The following CAST variants were observed in gnomAD, a reference collection of about 807,000 sequenced individuals.
The protein encoded by CAST is MIR583 host.
A neutral mutation model predicts 119.6 loss-of-function variants in CAST; 76 were observed. The ratio of observed to expected loss-of-function variants is 0.64; its 90% confidence interval spans 0.53 to 0.77. The LOEUF is 0.77. Among genes scored for constraint, CAST ranks in the 30% least tolerant of loss-of-function variants. The probability of loss-of-function intolerance (pLI) is 0.00; values close to 1 mark genes in which losing one functional copy is unlikely to be tolerated. For missense variants in CAST, 953 were observed against 946.5 expected (o/e 1.01, Z -0.09); for synonymous variants, 319 against 331.6 (o/e 0.96, Z 0.41).
chr5:96,077,176 T>C, the CAST span, among the ~76,000 whole-genome samples: 3 of 152,056 alleles, frequency 2.0e-5, no homozygotes, highest in Admixed American at 6.6e-5. Flanking sequence ...ATATCATAAA[T>C]AACATTATAT....
chr5:96,289,763 G>A, the CAST span, among the ~76,000 whole-genome samples: 4 of 152,102 alleles, frequency 2.6e-5, no homozygotes, highest in South Asian at 2.1e-4. Flanking sequence ...GGTTTCTCAC[G>A]TGATAATTGG....
the CAST span, among the ~76,000 whole-genome samples, chr5:96,237,633 G>T: frequency 1.3e-5 from 2 of 151,944 alleles, no homozygotes; most frequent in Non-Finnish European, 2.9e-5. Context: ...TATTCAGTTT[G>T]TCTATATCTT....
the CAST span, among the ~76,000 whole-genome samples, chr5:96,093,006 G>C: frequency 6.6e-6 from 1 of 152,162 alleles, no homozygotes; most frequent in African/African-American, 2.4e-5. Context: ...TCAAGATTTA[G>C]AGGTTTTATT....
the CAST span, among the ~76,000 whole-genome samples, chr5:96,056,844 G>T: frequency 1.3e-5 from 2 of 152,182 alleles, no homozygotes; most frequent in South Asian, 4.1e-4. Flanking sequence ...GGGGAGACTT[G>T]GTATAATCTC....
the CAST span, among the ~76,000 whole-genome samples, chr5:96,296,046 GA>G: frequency 6.6e-6 from 1 of 152,196 alleles, no homozygotes; most frequent in Non-Finnish European, 1.5e-5. Flanking sequence ...TATAATTAGA[GA>G]GAATATAAAT....
chr5:96,508,221 A>G, the CAST span, among the ~76,000 whole-genome samples: 2 of 152,036 alleles, frequency 1.3e-5, no homozygotes, highest in African/African-American at 4.8e-5. Flanking sequence ...CAAAAGGAGA[A>G]CGGACTTTGG....
chr5:96,194,360 G>A, the CAST span, among the ~76,000 whole-genome samples: 4 of 152,174 alleles, frequency 2.6e-5, no homozygotes, highest in Non-Finnish European at 5.9e-5. Flanking sequence ...CTGGGAATCT[G>A]CATGTTCTTA....
At chr5:96,103,000 C>T in the CAST span, among the ~76,000 whole-genome samples, 57 of 151,900 alleles carry the variant, frequency 3.8e-4, no homozygotes, top group African/African-American at 1.4e-3. Context: ...ATATTTTGTT[C>T]CATGCACTGA....
chr5:96,606,510 A>C (rs1451515221), intron 1 of CAST, among the ~76,000 whole-genome samples: 1 of 152,226 alleles, frequency 6.6e-6, no homozygotes. Flanking sequence ...GAGGAACAGA[A>C]GCCTGAGCAG....
chr5:96,158,423 T>A, the CAST span, among the ~76,000 whole-genome samples: 1 of 152,210 alleles, frequency 6.6e-6, no homozygotes, highest in Non-Finnish European at 1.5e-5. Flanking sequence ...ACTGCATCTC[T>A]ATGCCACCCT....
At chr5:96,748,477 A>G (rs763815997) in intron 18 of CAST, 41 bp from the exon 19 acceptor site, 5 of 983,420 alleles carry the variant, frequency 5.1e-6, no homozygotes, top group Non-Finnish European at 7.7e-6. Context: ...ACAAAATAAA[A>G]AAGAGTCCCC....
At chr5:96,233,032 A>C in the CAST span, among the ~76,000 whole-genome samples, 1 of 152,064 alleles carries the variant, frequency 6.6e-6, no homozygotes, top group East Asian at 1.9e-4. Flanking sequence ...CTAACAACCC[A>C]CCAGTAAGGG....
the CAST span, among the ~76,000 whole-genome samples, chr5:96,373,566 A>G: frequency 1.3e-5 from 2 of 152,188 alleles, no homozygotes; most frequent in Non-Finnish European, 2.9e-5. Flanking sequence ...TCCTGGATGC[A>G]TTGCAGCCCT....
rs377270787 is a variant in CAST at position 96,561,885 on chromosome 5, C to T, written c.60+32005C>T. Among the ~76,000 whole-genome samples, 716 of 141,156 alleles carry T rather than the reference C, an allele frequency of 5.1e-3. 20 individuals carry two copies. The highest frequency in any genetic ancestry group is 0.026 in the Admixed American group (357 of 13,774). 92.6% of individuals were successfully genotyped at this position (141,156 alleles called of 152,430 possible). Reference sequence around the variant, plus strand: ...TCGGCTCACTGCAAGCTCCGCCTCCCAGGTTCACGCCATTCTCCTGCCTCA... The same window carrying T: ...TCGGCTCACTGCAAGCTCCGCCTCCTAGGTTCACGCCATTCTCCTGCCTCA... On this transcript the variant is annotated intron_variant, in intron 1 of 11. Coordinates refer to the CAST transcript ENST00000505143.
At chr5:96,731,729 A>G (rs538780988) in intron 9 of CAST, among the ~76,000 whole-genome samples, 160 of 125,344 alleles carry the variant, frequency 1.3e-3, no homozygotes, top group African/African-American at 4.8e-3. Flanking sequence ...TTCAATTCCC[A>G]CGTATGAGTG....
intron 1 of CAST, among the ~76,000 whole-genome samples, chr5:96,592,711 T>C (rs1038708778): frequency 6.6e-6 from 1 of 152,160 alleles, no homozygotes; most frequent in African/African-American, 2.4e-5. Context: ...CACTCGTAGC[T>C]TCCTGGATTG....
At chr5:96,095,555 T>TA in the CAST span, among the ~76,000 whole-genome samples, 1 of 53,616 alleles carries the variant, frequency 1.9e-5, no homozygotes, top group Non-Finnish European at 3.4e-5. Flanking sequence ...AGACTCTGTT[T>TA]CAAAAAAAAA....
chr5:96,106,840 A>G, the CAST span, among the ~76,000 whole-genome samples: 1 of 140,728 alleles, frequency 7.1e-6, no homozygotes, highest in South Asian at 2.5e-4. Flanking sequence ...GTCTCCCATT[A>G]TTAATGTGTG....
the CAST span, among the ~76,000 whole-genome samples, chr5:96,514,419 C>T: frequency 6.6e-6 from 1 of 151,948 alleles, no homozygotes; most frequent in African/African-American, 2.4e-5. Context: ...CAGTGCCTGC[C>T]CAAGTATTTG....
Sources: gnomAD v4.1 joint callset for allele counts (sites outside exome capture counted in the v4.1 genomes callset) on GRCh38, gnomAD v4.1.1 for gene constraint, MANE v1.5 for transcripts, NCBI Gene and HGNC (gene_info 2026-07-23, HGNC 2026-07-21) for gene names.